NTRK2: variants seen among roughly 807,000 people sequenced by gnomAD.
NTRK2 encodes neurotrophic receptor tyrosine kinase 2, also known as BDNF/NT-3 growth factors receptor.
In NTRK2, 13 loss-of-function variants were observed where a neutral mutation model predicts 94.5. The observed-to-expected ratio is 0.14, with a 90% CI of 0.09 to 0.22. The LOEUF (loss-of-function observed/expected upper bound fraction) is 0.22. Ranked by LOEUF, NTRK2 falls within the 10% of genes least tolerant of loss-of-function variation. The probability of loss-of-function intolerance (pLI) is 1.00; values close to 1 mark genes in which losing one functional copy is unlikely to be tolerated. For missense variants in NTRK2, 639 were observed against 1,071.2 expected (o/e 0.60, Z 5.63); for synonymous variants, 372 against 407.4 (o/e 0.91, Z 1.05).
chr9:84,970,076 A>G (rs1293998796), intron 17 of NTRK2, among the ~76,000 whole-genome samples: 2 of 152,082 alleles, frequency 1.3e-5, no homozygotes, highest in Admixed American at 6.5e-5. Flanking sequence ...ACCTCTCAAC[A>G]CTATTTCTTC....
At position 84,810,465 on chromosome 9, in the gene NTRK2, G is replaced by C. The variant is rs2071649232; in HGVS notation, c.1397-50575G>C. 7.7e-6 allele frequency: 10 copies of C among 1,297,980 alleles called. No homozygotes were observed. The Admixed American group carries it at 1.9e-4, about 25-fold the overall frequency. 80.4% of individuals were successfully genotyped at this position (1,297,980 alleles called of 1,614,324 possible). ...GTTTATTTATTATGTTCATTTGAAA[G>C]TTATTGTACTTGTATGTTAATTTTC... On this transcript the variant is annotated intron_variant, in intron 12 of 18. Transcript: ENST00000277120.
rs769107906 is a variant in NTRK2, at chr9:84,745,100, T to C, written c.1296+27T>C. On this transcript the variant is annotated intron_variant, in intron 11 of 18. Transcript: ENST00000277120. ...TGAGTGGAATAAATAGGTGTCTGAA[T>C]TGGTTCTGAGCATTTTGGATGCCTC... 18 of 1,554,700 alleles carry C rather than the reference T, an allele frequency of 1.2e-5. 1 individual carries two copies. In the Admixed American group the frequency reaches 2.2e-4, roughly 19 times the overall value.
rs528974967 is a variant in NTRK2 at position 84,704,691 on chromosome 9, G to C, written c.359+2272G>C. On this transcript the variant is annotated intron_variant, in intron 4 of 18. Transcript: ENST00000277120. ...CAATCATTGATCAAATTGCAAAAAT[G>C]CTACTAATATTTATAGCCATTTATT... Among the ~76,000 whole-genome samples, 3 of 152,278 alleles carry C rather than the reference G, an allele frequency of 2.0e-5. No homozygotes were observed. The South Asian group carries it at 6.2e-4, about 32-fold the overall frequency.
intron 2 of NTRK2, among the ~76,000 whole-genome samples, chr9:84,676,061 A>T (rs1038620142): frequency 3.9e-5 from 6 of 152,222 alleles, no homozygotes; most frequent in Admixed American, 2.0e-4. Flanking sequence ...ATAAAAAAGC[A>T]TATCATGGAA....
Position 85,023,729 on chromosome 9 carries a change from T to G in NTRK2, c.*2292T>G, listed in dbSNP as rs1339112329. ...TGGTACTCTTAAAACACTGTAGAACTCTGTGACGCAGTAAGGAAGGGGCAG... is the reference window on the plus strand; with the variant it reads ...TGGTACTCTTAAAACACTGTAGAACGCTGTGACGCAGTAAGGAAGGGGCAG... On this transcript the variant is annotated 3_prime_UTR_variant, in exon 19 of 19. Coordinates refer to ENST00000277120, the MANE Select transcript of NTRK2 (RefSeq NM_006180.6). The G allele has an allele frequency of 7.3e-5, 17 of 231,756 alleles. No individual in the cohort carries two copies. Among genetic ancestry groups the G allele is most frequent in the African/African-American group, 3.7e-4 (17 of 45,366 alleles). 14.4% of individuals were successfully genotyped at this position (231,756 alleles called of 1,614,324 possible). A position where few individuals can be genotyped will look rare whatever the true frequency, so the allele number is the denominator to read the frequency against.
At chr9:84,745,895 G>A (rs1053139644) in intron 11 of NTRK2, among the ~76,000 whole-genome samples, 1 of 152,118 alleles carries the variant, frequency 6.6e-6, no homozygotes, top group Non-Finnish European at 1.5e-5. Flanking sequence ...CCATTGAAGA[G>A]GGAAGTCACA....
Position 84,902,194 on chromosome 9 carries a change from TA to T in NTRK2, c.1634-31955del, listed in dbSNP as rs1254854746. Among the ~76,000 whole-genome samples the T allele has an allele frequency of 5.2e-3, 682 of 130,044 alleles. 4 individuals are homozygous for T. The highest frequency in any genetic ancestry group is 0.024 in the Middle Eastern group (6 of 246). The allele number at this position is 130,044 out of a possible 152,430, so 85.3% of individuals were successfully genotyped here. A position where few individuals can be genotyped will look rare whatever the true frequency, so the allele number is the denominator to read the frequency against. On this transcript the variant is annotated intron_variant, in intron 14 of 18. Coordinates refer to ENST00000277120, the MANE Select transcript of NTRK2 (RefSeq NM_006180.6). ...CTGGGCAACAGAATGAGATTCTGTC[TA>T]AAAAAAAAAAAATTAAAAATTAAAA...
chr9:84,765,866 T>C (rs1195943977), intron 12 of NTRK2, among the ~76,000 whole-genome samples: 1 of 152,124 alleles, frequency 6.6e-6, no homozygotes, highest in Non-Finnish European at 1.5e-5. Flanking sequence ...ATACTGTTGG[T>C]TTCATCATAT....
chr9:84,789,913 A>G (rs1373214159), intron 12 of NTRK2, among the ~76,000 whole-genome samples: 1 of 152,194 alleles, frequency 6.6e-6, no homozygotes, highest in African/African-American at 2.4e-5. Flanking sequence ...TGTAGGGGAT[A>G]TGACATTCTA....
At chr9:84,723,909 A>G (rs931662684) in intron 7 of NTRK2, among the ~76,000 whole-genome samples, 200 bp downstream of exon 7, 3 of 152,186 alleles carry the variant, frequency 2.0e-5, no homozygotes, top group Non-Finnish European at 4.4e-5. Context: ...AGTTATGCAT[A>G]CCTAAGAGAG....
At chr9:84,699,579 A>G (rs933934864) in intron 2 of NTRK2, among the ~76,000 whole-genome samples, 2 of 151,612 alleles carry the variant, frequency 1.3e-5, no homozygotes, top group African/African-American at 2.4e-5. Context: ...AATACTGTGA[A>G]TTTACCATTG....
intron 14 of NTRK2, chr9:84,876,231 T>TA (rs1375749306): frequency 9.6e-7 from 1 of 1,042,124 alleles, no homozygotes; most frequent in African/African-American, 1.7e-5. Flanking sequence ...GAGGACAGGA[T>TA]AAAGCCCTAT....
intron 14 of NTRK2, among the ~76,000 whole-genome samples, chr9:84,887,853 C>A (rs184272216): frequency 9.3e-4 from 142 of 152,152 alleles, no homozygotes; most frequent in African/African-American, 3.3e-3. Flanking sequence ...CATTTTTTTT[C>A]CTTAAAGGAA....
chr9:84,923,323 A>G (rs2077629994), intron 14 of NTRK2, among the ~76,000 whole-genome samples: 1 of 152,144 alleles, frequency 6.6e-6, no homozygotes, highest in African/African-American at 2.4e-5. Context: ...GCTGCAGAAC[A>G]CTTTGCTTGT....
chr9:84,902,703 A>C (rs1169050867), intron 14 of NTRK2, among the ~76,000 whole-genome samples: 1 of 152,200 alleles, frequency 6.6e-6, no homozygotes, highest in Non-Finnish European at 1.5e-5. Flanking sequence ...TGTCTTGTGT[A>C]GGAATCCTGG....
intron 12 of NTRK2, among the ~76,000 whole-genome samples, chr9:84,788,369 T>G (rs2068344064): frequency 6.6e-6 from 1 of 152,178 alleles, no homozygotes; most frequent in African/African-American, 2.4e-5. Context: ...ATGAGCTAAG[T>G]GCTGGGACTA....
At chr9:84,705,916 A>G (rs1170548461) in intron 4 of NTRK2, among the ~76,000 whole-genome samples, 1 of 151,322 alleles carries the variant, frequency 6.6e-6, no homozygotes, top group Admixed American at 6.6e-5. Flanking sequence ...CAGCCTCCCA[A>G]GTAGCTGAGA....
intron 10 of NTRK2, among the ~76,000 whole-genome samples, chr9:84,743,750 G>A (rs766503935): frequency 2.4e-4 from 36 of 152,160 alleles, no homozygotes; most frequent in Admixed American, 7.2e-4. Flanking sequence ...ACACTTGAAT[G>A]ATTTAAATTT....
chr9:85,009,444 T>C (rs751662174), intron 17 of NTRK2, among the ~76,000 whole-genome samples: 4 of 152,216 alleles, frequency 2.6e-5, no homozygotes, highest in Non-Finnish European at 4.4e-5. Context: ...CTTCCACTTT[T>C]CACCACTGTG....
Sources: allele counts gnomAD v4.1 joint callset (sites outside exome capture counted in the v4.1 genomes callset), GRCh38; gene constraint gnomAD v4.1.1; transcripts MANE v1.5; gene names NCBI Gene and HGNC (gene_info 2026-07-23, HGNC 2026-07-21).